The following AGMO variants were observed in gnomAD, a reference collection of about 807,000 sequenced individuals.
AGMO encodes glyceryl-ether monooxygenase.
In AGMO, 75 loss-of-function variants were observed where a neutral mutation model predicts 60.2. That is an observed-to-expected ratio of 1.25 (90% CI 1.03 to 1.51). AGMO has a LOEUF of 1.51. Ranked by LOEUF, AGMO falls within the 40% of genes most tolerant of loss-of-function variation. The pLI is 0.00. For synonymous variants in AGMO, 261 were observed against 177.1 expected (o/e 1.47, Z -3.76); for missense variants, 763 against 525.5 (o/e 1.45, Z -4.42).
At chr7:15,386,051 C>G (rs1424449512) in intron 9 of AGMO, among the ~76,000 whole-genome samples, 2 of 151,976 alleles carry the variant, frequency 1.3e-5, no homozygotes, top group African/African-American at 4.8e-5. Context: ...CATGGTGGCA[C>G]ACACCTGTAA....
chr7:15,382,746 T>A (rs2128481904), intron 10 of AGMO, among the ~76,000 whole-genome samples: 1 of 152,276 alleles, frequency 6.6e-6, no homozygotes, highest in African/African-American at 2.4e-5. Flanking sequence ...CGGACAAATT[T>A]AATTGAATAT....
At chr7:15,520,021 G>T (rs1271641547) in intron 3 of AGMO, among the ~76,000 whole-genome samples, 2 of 144,464 alleles carry the variant, frequency 1.4e-5, no homozygotes, top group South Asian at 2.2e-4. Flanking sequence ...AAAGAAAAAA[G>T]AAAAGAAAAA....
intron 12 of AGMO, among the ~76,000 whole-genome samples, chr7:15,332,816 T>A (rs191459737): frequency 3.9e-5 from 6 of 152,156 alleles, no homozygotes; most frequent in African/African-American, 9.6e-5. Context: ...TTCACCTTTT[T>A]AAATACATAA....
intron 2 of AGMO, among the ~76,000 whole-genome samples, chr7:15,552,953 A>C (rs1785009855): frequency 6.6e-6 from 1 of 152,032 alleles, no homozygotes; most frequent in Admixed American, 6.6e-5. Flanking sequence ...TGGATTAAGA[A>C]AATGTGGCAC....
chr7:15,117,643 A>G, the AGMO span, among the ~76,000 whole-genome samples: 1 of 151,990 alleles, frequency 6.6e-6, no homozygotes, highest in Non-Finnish European at 1.5e-5. Context: ...ATACCCATGT[A>G]ACAAGTACAT....
the AGMO span, among the ~76,000 whole-genome samples, chr7:15,131,002 T>A: frequency 6.6e-6 from 1 of 152,140 alleles, no homozygotes; most frequent in African/African-American, 2.4e-5. Flanking sequence ...ACTTTTGAGC[T>A]TCTAATTGCC....
chr7:15,406,837 T>G (rs1461157181), intron 5 of AGMO, among the ~76,000 whole-genome samples: 1 of 110,474 alleles, frequency 9.1e-6, no homozygotes. Context: ...TACACATATA[T>G]GTATATGTAT....
In AGMO at chr7:15,484,830, T is replaced by C. The variant is rs763041504; in HGVS notation, c.410-53722A>G. Reference sequence around the variant, plus strand: ...ATGTCTCAGAGGAGGAGGAAAGAAATAATATCACATACTTTAAAGAGTAAT... The same window carrying C: ...ATGTCTCAGAGGAGGAGGAAAGAAACAATATCACATACTTTAAAGAGTAAT... On this transcript the variant is annotated intron_variant, in intron 3 of 12. Transcript: ENST00000342526. Among the ~76,000 whole-genome samples the C allele has an allele frequency of 1.6e-4, 24 of 152,078 alleles. 1 individual carries two copies. The highest frequency in any genetic ancestry group is 1.1e-3 in the Admixed American group (17 of 15,260).
chr7:15,224,122 A>G (rs1782003794), intron 12 of AGMO, among the ~76,000 whole-genome samples: 1 of 152,002 alleles, frequency 6.6e-6, no homozygotes, highest in Non-Finnish European at 1.5e-5. Context: ...CTAAGAAGGT[A>G]TGGTGAGTCT....
chr7:15,311,738 T>TA, intron 12 of AGMO, among the ~76,000 whole-genome samples: 1 of 152,170 alleles, frequency 6.6e-6, no homozygotes, highest in Non-Finnish European at 1.5e-5. Flanking sequence ...ACAAAGCATT[T>TA]AAGTGAGAAC....
chr7:15,321,813 T>C (rs990412522), intron 12 of AGMO, among the ~76,000 whole-genome samples: 3 of 152,102 alleles, frequency 2.0e-5, no homozygotes, highest in African/African-American at 2.4e-5. Flanking sequence ...TTGATTATTA[T>C]TCCCCATAGG....
intron 12 of AGMO, among the ~76,000 whole-genome samples, chr7:15,364,890 T>A (rs533400729): frequency 6.6e-6 from 1 of 152,034 alleles, no homozygotes; most frequent in African/African-American, 2.4e-5. Context: ...TAACCCTGAA[T>A]TGCAAACATA....
intron 3 of AGMO, among the ~76,000 whole-genome samples, chr7:15,505,667 T>G (rs1298540021): frequency 6.6e-6 from 1 of 152,030 alleles, no homozygotes. Flanking sequence ...ATAACAAGTG[T>G]GACTACTTCT....
At chr7:15,512,760 T>A (rs1030869063) in intron 3 of AGMO, among the ~76,000 whole-genome samples, 1 of 152,202 alleles carries the variant, frequency 6.6e-6, no homozygotes, top group Non-Finnish European at 1.5e-5. Context: ...TTCTTTGGAG[T>A]AATGTTAGCA....
At chr7:15,184,565 G>C in the AGMO span, among the ~76,000 whole-genome samples, 15 of 122,940 alleles carry the variant, frequency 1.2e-4, no homozygotes, top group Admixed American at 4.2e-4. Flanking sequence ...GAAAAGGAGG[G>C]AGGGAGGGAA....
the AGMO span, among the ~76,000 whole-genome samples, chr7:15,140,818 A>G: frequency 6.6e-6 from 1 of 151,896 alleles, no homozygotes; most frequent in South Asian, 2.1e-4. Flanking sequence ...AACATTTTGC[A>G]TATGTTTATT....
chr7:15,247,581 C>CGT (rs1458620104), intron 12 of AGMO, among the ~76,000 whole-genome samples: 1 of 151,976 alleles, frequency 6.6e-6, no homozygotes, highest in Non-Finnish European at 1.5e-5. Flanking sequence ...AATCCTCAAA[C>CGT]ATACACAGAC....
chr7:15,157,371 C>T, the AGMO span, among the ~76,000 whole-genome samples: 3 of 152,176 alleles, frequency 2.0e-5, no homozygotes, highest in African/African-American at 7.2e-5. Context: ...CCCATGAGGG[C>T]AGAGTATGTG....
intron 3 of AGMO, among the ~76,000 whole-genome samples, chr7:15,470,390 T>C (rs1230872346): frequency 6.6e-6 from 1 of 152,022 alleles, no homozygotes; most frequent in African/African-American, 2.4e-5. Context: ...TTATGGCTTC[T>C]TTTTTCATCT....
Sources: gnomAD v4.1 joint callset for allele counts (sites outside exome capture counted in the v4.1 genomes callset) on GRCh38, gnomAD v4.1.1 for gene constraint, MANE v1.5 for transcripts, NCBI Gene and HGNC (gene_info 2026-07-23, HGNC 2026-07-21) for gene names.